Variants in MEI4 observed in about 807,000 individuals in gnomAD.
The protein encoded by MEI4 is meiosis-specific protein MEI4.
MEI4 carries 27 observed loss-of-function variants against 31.4 expected under a neutral mutation model. That is an observed-to-expected ratio of 0.86 (90% CI 0.63 to 1.19). The LOEUF (loss-of-function observed/expected upper bound fraction) is 1.19, where lower values mean the gene tolerates loss of function less well. Among genes scored for constraint, MEI4 ranks in the 50% most tolerant of loss-of-function variants. The pLI, the probability that MEI4 is intolerant of heterozygous loss-of-function variation, is 0.00. For missense variants in MEI4, 329 were observed against 398.9 expected (o/e 0.82, Z 1.49); for synonymous variants, 122 against 145.4 (o/e 0.84, Z 1.16).
Position 77,800,087 on chromosome 6 carries a change from G to A in MEI4, c.769-28844G>A, listed in dbSNP as rs957455466. On this transcript the variant is annotated intron_variant, in intron 3 of 4. Coordinates refer to ENST00000684080, the MANE Select transcript of MEI4 (RefSeq NM_001322247.2). Reference sequence around the variant, plus strand: ...TTGAATCTATAAATTACCTTGGGCAGTATGGCCATTTTCACGATATTGATT... The same window carrying A: ...TTGAATCTATAAATTACCTTGGGCAATATGGCCATTTTCACGATATTGATT... Among the ~76,000 whole-genome samples, 216 of 152,220 alleles carry A rather than the reference G, an allele frequency of 1.4e-3. 1 individual carries two copies. The highest frequency in any genetic ancestry group is 4.6e-3 in the African/African-American group (191 of 41,518).
intron 4 of MEI4, among the ~76,000 whole-genome samples, chr6:77,906,130 C>T (rs1339473481): frequency 6.6e-6 from 1 of 152,036 alleles, no homozygotes; most frequent in Non-Finnish European, 1.5e-5. Flanking sequence ...CTGTGCTGAG[C>T]TTCCTTAAAA....
chr6:77,730,738 T>A (rs952787606), intron 2 of MEI4, among the ~76,000 whole-genome samples: 11 of 151,964 alleles, frequency 7.2e-5, no homozygotes, highest in Admixed American at 2.6e-4. Context: ...TAACTCGTCA[T>A]CTAGCATTAG....
chr6:77,747,040 G>A (rs920285434), intron 2 of MEI4, among the ~76,000 whole-genome samples: 6 of 152,018 alleles, frequency 3.9e-5, no homozygotes, highest in Non-Finnish European at 7.4e-5. Flanking sequence ...GGCTGGGTGC[G>A]GTGGCTCATG....
Position 77,783,794 on chromosome 6 carries a change from C to G in MEI4, c.768+22129C>G, listed in dbSNP as rs1323151888. ...GATTTCAAATAAAATCAAATCAACTCAAATCAGAACATTTGAACAGTAATT... is the reference window on the plus strand; with the variant it reads ...GATTTCAAATAAAATCAAATCAACTGAAATCAGAACATTTGAACAGTAATT... On this transcript the variant is annotated intron_variant, in intron 3 of 4. Transcript: ENST00000684080. 2.6e-5 allele frequency among the ~76,000 whole-genome samples: 4 copies of G among 152,198 alleles called. No individual in the cohort carries two copies. The East Asian group carries it at 7.7e-4, about 29-fold the overall frequency.
chr6:77,652,276 A>G (rs984046803), upstream of MEI4, among the ~76,000 whole-genome samples: 2 of 152,164 alleles, frequency 1.3e-5, no homozygotes, highest in African/African-American at 4.8e-5. Context: ...AATATAGGAC[A>G]ATAATCATGG....
chr6:77,667,163 AC>A (rs1374783100), intron 1 of MEI4, among the ~76,000 whole-genome samples: 3 of 152,186 alleles, frequency 2.0e-5, no homozygotes, highest in African/African-American at 7.2e-5. Flanking sequence ...ACTAAATTTC[AC>A]AATACATAAT....
At chr6:77,753,950 A>G (rs1367663867) in intron 2 of MEI4, among the ~76,000 whole-genome samples, 1 of 152,196 alleles carries the variant, frequency 6.6e-6, no homozygotes, top group Non-Finnish European at 1.5e-5. Flanking sequence ...TGTCCTTTGC[A>G]GGGACATGGA....
At chr6:77,696,834 G>A (rs1300694506) in intron 2 of MEI4, among the ~76,000 whole-genome samples, 3 of 152,160 alleles carry the variant, frequency 2.0e-5, no homozygotes, top group Non-Finnish European at 4.4e-5. Flanking sequence ...AGTTTCAGAA[G>A]GAATGGTACC....
At chr6:77,816,839 C>CT (rs1338078203) in intron 3 of MEI4, among the ~76,000 whole-genome samples, 1 of 152,090 alleles carries the variant, frequency 6.6e-6, no homozygotes, top group Non-Finnish European at 1.5e-5. Flanking sequence ...CATAATTCAG[C>CT]TTTGTCTTTT....
chr6:77,775,797 A>G (rs1324274237), intron 3 of MEI4, among the ~76,000 whole-genome samples: 1 of 152,100 alleles, frequency 6.6e-6, no homozygotes, highest in African/African-American at 2.4e-5. Flanking sequence ...CAGTTGTACT[A>G]GTTTCCGTTC....
intron 2 of MEI4, among the ~76,000 whole-genome samples, chr6:77,742,340 G>A (rs1446427773): frequency 6.6e-6 from 1 of 151,844 alleles, no homozygotes; most frequent in Admixed American, 6.6e-5. Flanking sequence ...GTATCTCATT[G>A]TGGTTTTGAT....
At chr6:77,700,090 G>A (rs1208058753) in intron 2 of MEI4, among the ~76,000 whole-genome samples, 1 of 152,210 alleles carries the variant, frequency 6.6e-6, no homozygotes, top group Non-Finnish European at 1.5e-5. Context: ...ATCTCCAGCT[G>A]CTGCTGGGAG....
intron 4 of MEI4, among the ~76,000 whole-genome samples, chr6:77,916,998 C>T (rs1008071404): frequency 6.7e-6 from 1 of 150,140 alleles, no homozygotes; most frequent in African/African-American, 2.5e-5. Flanking sequence ...TCAATTCCCA[C>T]CTATGAGTGA....
chr6:77,784,252 A>C (rs1313460091), intron 3 of MEI4, among the ~76,000 whole-genome samples: 1 of 152,138 alleles, frequency 6.6e-6, no homozygotes, highest in Non-Finnish European at 1.5e-5. Flanking sequence ...TGAAAGAACA[A>C]AATATCTTTG....
chr6:77,743,472 GTATCC>G (rs1561969590), intron 2 of MEI4, among the ~76,000 whole-genome samples: 1 of 152,116 alleles, frequency 6.6e-6, no homozygotes, highest in Non-Finnish European at 1.5e-5. Context: ...CATTGATTTT[GTATCC>G]TGAGACTTTG....
chr6:77,803,388 G>T (rs1017803387), intron 3 of MEI4, among the ~76,000 whole-genome samples: 2 of 151,996 alleles, frequency 1.3e-5, no homozygotes, highest in African/African-American at 4.8e-5. Context: ...TTTTTTTCAA[G>T]ATTTTTAACT....
intron 3 of MEI4, among the ~76,000 whole-genome samples, chr6:77,782,101 T>G (rs543076293): frequency 6.6e-6 from 1 of 152,302 alleles, no homozygotes; most frequent in African/African-American, 2.4e-5. Flanking sequence ...TCACTGGGAC[T>G]CAGAATGGAG....
At chr6:77,684,954 T>G (rs1415608295) in intron 1 of MEI4, among the ~76,000 whole-genome samples, 5 of 152,186 alleles carry the variant, frequency 3.3e-5, no homozygotes, top group Non-Finnish European at 7.3e-5. Flanking sequence ...TTGTACTAAT[T>G]TACATTCCCA....
chr6:77,819,951 G>A (rs542579171), intron 3 of MEI4, among the ~76,000 whole-genome samples: 35 of 151,824 alleles, frequency 2.3e-4, no homozygotes, highest in African/African-American at 6.5e-4. Flanking sequence ...TTACTTTTAC[G>A]TGTACCTGCT....
Sources: allele counts gnomAD v4.1 joint callset (sites outside exome capture counted in the v4.1 genomes callset), GRCh38; gene constraint gnomAD v4.1.1; transcripts MANE v1.5; gene names NCBI Gene and HGNC (gene_info 2026-07-23, HGNC 2026-07-21).